The following GPD2 variants were observed in gnomAD, a reference collection of about 807,000 sequenced individuals.
The protein encoded by GPD2 is glycerol-3-phosphate dehydrogenase, mitochondrial.
Under a neutral mutation model 82.4 loss-of-function variants are expected in GPD2, and 54 were observed. The observed-to-expected ratio is 0.66, with a 90% confidence interval of 0.53 to 0.82. The LOEUF (loss-of-function observed/expected upper bound fraction) is 0.82, where lower values mean the gene tolerates loss of function less well. Ranked by LOEUF, GPD2 falls within the 40% of genes least tolerant of loss-of-function variation. The pLI, the probability that GPD2 is intolerant of heterozygous loss-of-function variation, is 0.00. For synonymous variants in GPD2, 288 were observed against 306.1 expected (o/e 0.94, Z 0.62); for missense variants, 748 against 896.2 (o/e 0.83, Z 2.11).
chr2:156,415,463 A>G, the GPD2 span, among the ~76,000 whole-genome samples: 1 of 151,926 alleles, frequency 6.6e-6, no homozygotes, highest in Non-Finnish European at 1.5e-5. Flanking sequence ...CAGCCGTTGT[A>G]TCATTCTTAT....
intron 6 of GPD2, among the ~76,000 whole-genome samples, chr2:156,525,266 A>G (rs1685561093): frequency 6.6e-6 from 1 of 152,190 alleles, no homozygotes; most frequent in Non-Finnish European, 1.5e-5. Context: ...GCCCTGGGGC[A>G]CTTCCTGCAG....
chr2:156,407,944 ATTTTTTTTTT>A, the GPD2 span, among the ~76,000 whole-genome samples: 7 of 56,478 alleles, frequency 1.2e-4, no homozygotes, highest in South Asian at 9.1e-4. Context: ...CCATGCTGTA[ATTTTTTTTTT>A]TTTTTTTTTT....
chr2:156,465,789 A>G (rs1324586554), intron 1 of GPD2, among the ~76,000 whole-genome samples: 1 of 152,232 alleles, frequency 6.6e-6, no homozygotes, highest in Non-Finnish European at 1.5e-5. Flanking sequence ...AGGGGCGGAA[A>G]GACTGAAAGA....
chr2:156,528,402 AT>A (rs1014122715), intron 6 of GPD2, among the ~76,000 whole-genome samples: 1 of 150,428 alleles, frequency 6.6e-6, no homozygotes, highest in Non-Finnish European at 1.5e-5. Flanking sequence ...AATTATGTCA[AT>A]TTTTTTCTTT....
At chr2:156,404,669 G>A in the GPD2 span, among the ~76,000 whole-genome samples, 6 of 122,330 alleles carry the variant, frequency 4.9e-5, no homozygotes, top group African/African-American at 1.6e-4. Context: ...GTGAAACCCC[G>A]TCTCTATTAA....
chr2:156,426,019 T>G, the GPD2 span, among the ~76,000 whole-genome samples: 3 of 150,802 alleles, frequency 2.0e-5, no homozygotes, highest in African/African-American at 7.3e-5. Flanking sequence ...GCCTCCCCGG[T>G]TCACGCCATT....
At chr2:156,530,749 A>G (rs1337998577) in intron 6 of GPD2, among the ~76,000 whole-genome samples, 2 of 152,188 alleles carry the variant, frequency 1.3e-5, no homozygotes, top group Admixed American at 6.5e-5. Flanking sequence ...ATTTGTGTAT[A>G]TTGAACCAGC....
At chr2:156,573,333 C>G (rs543511785) in intron 13 of GPD2, among the ~76,000 whole-genome samples, 3 of 152,272 alleles carry the variant, frequency 2.0e-5, no homozygotes, top group South Asian at 4.1e-4. Context: ...TTTCTCCATC[C>G]TGTCTTGCTG....
intron 1 of GPD2, among the ~76,000 whole-genome samples, chr2:156,455,217 C>G (rs940948932): frequency 6.6e-6 from 1 of 152,154 alleles, no homozygotes; most frequent in African/African-American, 2.4e-5. Context: ...TTCTGATTTC[C>G]TTACTCCCAG....
chr2:156,451,490 C>A (rs1184213589), intron 1 of GPD2, among the ~76,000 whole-genome samples: 2 of 39,876 alleles, frequency 5.0e-5, no homozygotes, highest in African/African-American at 1.7e-4. Context: ...ACCTCCCTCC[C>A]GGAAGGGGCG....
intron 2 of GPD2, among the ~76,000 whole-genome samples, chr2:156,481,540 G>A (rs62176582): frequency 6.6e-6 from 1 of 151,664 alleles, no homozygotes; most frequent in African/African-American, 2.4e-5. Context: ...TCCTAGATAT[G>A]AGTCAGAACA....
At position 156,462,346 on chromosome 2, in the gene GPD2, C is replaced by T. The variant is rs1407655891; in HGVS notation, c.-8-13752C>T. ...TGTTGCCCAGGCTGGAGTCCAATGG[C>T]GTGATCTCGGCTCACTGCAACCTCC... On this transcript the variant is annotated intron_variant, in intron 1 of 16. Transcript: ENST00000438166. Among the ~76,000 whole-genome samples the T allele has an allele frequency of 3.3e-5, 5 of 151,802 alleles. No homozygotes were observed. In the East Asian group the frequency reaches 5.8e-4, roughly 18 times the overall value.
rs190284161 is a variant in GPD2 at position 156,484,788 on chromosome 2, C to T, written c.102+8581C>T. Among the ~76,000 whole-genome samples, 607 of 152,144 alleles carry T rather than the reference C, an allele frequency of 4.0e-3. 3 individuals carry two copies. The highest frequency in any genetic ancestry group is 0.014 in the African/African-American group (586 of 41,500). On this transcript the variant is annotated intron_variant, in intron 2 of 16. Coordinates refer to ENST00000438166, the MANE Select transcript of GPD2 (RefSeq NM_000408.5). ...CTGGGAGGTGGAGGTTGTAGTGAGC[C>T]GAGATCGCACCACTGCACTCCAGCC...
At chr2:156,449,654 T>C (rs1682483187) in intron 1 of GPD2, among the ~76,000 whole-genome samples, 1 of 151,702 alleles carries the variant, frequency 6.6e-6, no homozygotes, top group South Asian at 2.1e-4. Flanking sequence ...TGGGAGTTAG[T>C]TAGTCTGTTT....
At chr2:156,559,743 C>T (rs947326168) in intron 9 of GPD2, among the ~76,000 whole-genome samples, 1 of 152,074 alleles carries the variant, frequency 6.6e-6, no homozygotes, top group African/African-American at 2.4e-5. Flanking sequence ...CATTGAAATC[C>T]ATGTGTGGTT....
chr2:156,420,040 C>A, the GPD2 span, among the ~76,000 whole-genome samples: 1 of 152,180 alleles, frequency 6.6e-6, no homozygotes. Context: ...CTATACCTAT[C>A]TGAAAAAATT....
chr2:156,536,808 G>C (rs925786057), intron 6 of GPD2, among the ~76,000 whole-genome samples: 5 of 152,114 alleles, frequency 3.3e-5, no homozygotes, highest in African/African-American at 1.2e-4. Context: ...TCAGTACGTG[G>C]GATCTGAGCA....
chr2:156,552,866 A>G (rs369008179), intron 8 of GPD2, among the ~76,000 whole-genome samples: 5 of 141,176 alleles, frequency 3.5e-5, no homozygotes, highest in South Asian at 2.3e-4. Flanking sequence ...TGGGCAAGCT[A>G]CTTCTTTCAG....
At chr2:156,503,739 A>G (rs1326814690) in intron 3 of GPD2, among the ~76,000 whole-genome samples, 2 of 152,184 alleles carry the variant, frequency 1.3e-5, no homozygotes, top group African/African-American at 4.8e-5. Flanking sequence ...AGCATAAAAA[A>G]GTTTCTGATA....
Sources: allele counts gnomAD v4.1 joint callset (sites outside exome capture counted in the v4.1 genomes callset), GRCh38; gene constraint gnomAD v4.1.1; transcripts MANE v1.5; gene names NCBI Gene and HGNC (gene_info 2026-07-23, HGNC 2026-07-21).